BIN3: variants seen among roughly 807,000 people sequenced by gnomAD.
BIN3 encodes the protein bridging integrator 3.
BIN3 carries 41 observed loss-of-function variants against 38.2 expected under a neutral mutation model. That is an observed-to-expected ratio of 1.07 (90% confidence interval 0.84 to 1.39). The LOEUF (loss-of-function observed/expected upper bound fraction) is 1.39. BIN3 is among the 40% of genes most tolerant of loss of function. The pLI is 0.00. For missense variants in BIN3, 361 were observed against 324.3 expected (o/e 1.11, Z -0.87); for synonymous variants, 145 against 122.6 (o/e 1.18, Z -1.21).
chr8:22,657,803 G>A (rs1398387416), intron 1 of BIN3, among the ~76,000 whole-genome samples: 1 of 152,214 alleles, frequency 6.6e-6, no homozygotes, highest in East Asian at 1.9e-4. Flanking sequence ...CATCCCCGTG[G>A]GTCTCCCACT....
At chr8:22,663,284 A>C (rs1803298779) in intron 1 of BIN3, among the ~76,000 whole-genome samples, 1 of 151,720 alleles carries the variant, frequency 6.6e-6, no homozygotes, top group Admixed American at 6.6e-5. Context: ...AAAATTGTGG[A>C]AACTAGTCCA....
At position 22,636,556 on chromosome 8, in the gene BIN3, T is replaced by C. The variant is rs746606429; in HGVS notation, c.129A>G (p.Lys43=). 106 of 1,552,896 alleles carry C rather than the reference T, an allele frequency of 6.8e-5. No homozygotes were observed. In the South Asian group the frequency reaches 1.1e-3, roughly 16 times the overall value. Reference sequence around the variant, plus strand: ...CTGCGTCGGTGCTCTTCTTCATGTCTTTCTGCAGCCTCCGGGTCTGCTCTT... The same window carrying C: ...CTGCGTCGGTGCTCTTCTTCATGTCCTTCTGCAGCCTCCGGGTCTGCTCTT... The part of the protein sequence containing the change: ...QLEEQTRRLQ[K]DMKKSTDADL... The change falls in exon 4 of 9, where the codon AAA becomes AAG. Residue 43 remains lysine, a synonymous_variant. Transcript: ENST00000276416.
chr8:22,642,391 C>T (rs1802592181), intron 2 of BIN3, among the ~76,000 whole-genome samples: 1 of 152,350 alleles, frequency 6.6e-6, no homozygotes, highest in African/African-American at 2.4e-5. Context: ...ACTACTTCTA[C>T]TTCAGTGCCT....
At chr8:22,658,784 G>C (rs886929762) in intron 1 of BIN3, among the ~76,000 whole-genome samples, 1 of 152,182 alleles carries the variant, frequency 6.6e-6, no homozygotes, top group Non-Finnish European at 1.5e-5. Flanking sequence ...ACAGTTTTGG[G>C]GGCGAGGGAG....
At position 22,669,083 on chromosome 8, in the gene BIN3, T is replaced by G; in HGVS notation, c.-32A>C. 6.3e-7 allele frequency: 1 copy of G among 1,589,714 alleles called. No homozygotes were observed. The highest frequency in any genetic ancestry group is 2.3e-5 in the East Asian group (1 of 43,486). On this transcript the variant is annotated 5_prime_UTR_variant, in exon 1 of 9. Coordinates refer to ENST00000276416, the MANE Select transcript of BIN3 (RefSeq NM_018688.6). ...GAACCTGCGTCTGCCGCCGGGGTCC[T>G]CAGCCACAACTCGTTTCTCTAGGGT...
At chr8:22,623,458 C>T (rs1489730655) in intron 8 of BIN3, among the ~76,000 whole-genome samples, 1 of 152,120 alleles carries the variant, frequency 6.6e-6, no homozygotes, top group Non-Finnish European at 1.5e-5. Context: ...TTAGTGGTTC[C>T]AAGGCAGGAC....
At chr8:22,658,266 G>A (rs1214226550) in intron 1 of BIN3, among the ~76,000 whole-genome samples, 1 of 151,750 alleles carries the variant, frequency 6.6e-6, no homozygotes, top group Non-Finnish European at 1.5e-5. Flanking sequence ...CTGCCCCACC[G>A]CAAAAAAGAA....
intron 2 of BIN3, among the ~76,000 whole-genome samples, chr8:22,644,408 G>C (rs1283007529): frequency 6.6e-6 from 1 of 152,180 alleles, no homozygotes; most frequent in Non-Finnish European, 1.5e-5. Context: ...TCTTTGGTGG[G>C]GGCCACTCTT....
intron 1 of BIN3, among the ~76,000 whole-genome samples, chr8:22,662,157 C>G (rs536340248): frequency 3.9e-5 from 6 of 152,362 alleles, no homozygotes; most frequent in African/African-American, 1.2e-4. Flanking sequence ...GGCTGGGCAT[C>G]TGCACATGAC....
At chr8:22,640,198 G>A (rs1377628527) in intron 2 of BIN3, among the ~76,000 whole-genome samples, 1 of 149,770 alleles carries the variant, frequency 6.7e-6, no homozygotes, top group Non-Finnish European at 1.5e-5. Flanking sequence ...TTTTTTTTGA[G>A]ACAGAGTCTC....
chr8:22,631,380 T>A (rs910537180), intron 4 of BIN3, among the ~76,000 whole-genome samples: 3 of 152,142 alleles, frequency 2.0e-5, no homozygotes, highest in African/African-American at 4.8e-5. Context: ...ACCTGGGGAC[T>A]TGTACGGGAC....
intron 1 of BIN3, among the ~76,000 whole-genome samples, chr8:22,658,004 G>A (rs1385932714): frequency 1.3e-5 from 2 of 152,240 alleles, no homozygotes; most frequent in Non-Finnish European, 2.9e-5. Flanking sequence ...ACTTGCCTCA[G>A]TGCTCCCCTT....
chr8:22,648,097 T>TA (rs150082053), intron 1 of BIN3, among the ~76,000 whole-genome samples: 48,502 of 140,426 alleles, frequency 0.35, 8,336 homozygotes, highest in East Asian at 0.67. Flanking sequence ...ATTGCGCCAC[T>TA]ACACTCCAGC....
intron 2 of BIN3, among the ~76,000 whole-genome samples, chr8:22,638,111 G>T (rs1299298998): frequency 1.3e-5 from 2 of 152,194 alleles, no homozygotes; most frequent in Non-Finnish European, 2.9e-5. Context: ...CTGTCCCCAA[G>T]AGCCCTAGAT....
rs1466658520 is a variant in BIN3, at chr8:22,645,569, A to G, written c.9-766T>C. Among the ~76,000 whole-genome samples, 514 of 142,726 alleles carry G rather than the reference A, an allele frequency of 3.6e-3. 1 individual carries two copies. Among genetic ancestry groups the G allele is most frequent in the African/African-American group, 0.011 (435 of 38,614 alleles). 93.6% of individuals were successfully genotyped at this position (142,726 alleles called of 152,430 possible). A position where few individuals can be genotyped will look rare whatever the true frequency, so the allele number is the denominator to read the frequency against. On this transcript the variant is annotated intron_variant, in intron 1 of 8. Coordinates refer to ENST00000276416, the MANE Select transcript of BIN3 (RefSeq NM_018688.6). ...AGGAAAGGAAAGGAAAGGGGAAGAG[A>G]GGAAAGGCGAGGATGGCAGGAAAGG...
chr8:22,659,975 T>C (rs763021912), intron 1 of BIN3, among the ~76,000 whole-genome samples: 2 of 152,148 alleles, frequency 1.3e-5, no homozygotes, highest in Non-Finnish European at 2.9e-5. Flanking sequence ...TTAAGTATAC[T>C]CACCCCCCAA....
In BIN3 at chr8:22,652,347, G is replaced by A. The variant is rs374353939; in HGVS notation, c.9-7544C>T. Among the ~76,000 whole-genome samples the A allele has an allele frequency of 7.9e-5, 12 of 152,322 alleles. No individual in the cohort carries two copies. In the East Asian group the frequency reaches 2.3e-3, roughly 29 times the overall value. ...ACTGGGTAGGACAATCTGCAAACTGGCTGAACAGTTTTGTGGGGAACTCCC... is the reference window on the plus strand; with the variant it reads ...ACTGGGTAGGACAATCTGCAAACTGACTGAACAGTTTTGTGGGGAACTCCC... On this transcript the variant is annotated intron_variant, in intron 1 of 8. Transcript: ENST00000276416.
intron 6 of BIN3, among the ~76,000 whole-genome samples, chr8:22,628,556 T>C (rs898386626): frequency 6.6e-6 from 1 of 152,122 alleles, no homozygotes; most frequent in African/African-American, 2.4e-5. Flanking sequence ...TGGCAGGTGG[T>C]GGGCCACCAG....
At chr8:22,668,357 T>C (rs1803494994) in intron 1 of BIN3, among the ~76,000 whole-genome samples, 1 of 152,218 alleles carries the variant, frequency 6.6e-6, no homozygotes, top group Admixed American at 6.5e-5. Flanking sequence ...GCAACTGGAA[T>C]TGTGACTCTA....
Sources: gnomAD v4.1 joint callset for allele counts (sites outside exome capture counted in the v4.1 genomes callset) on GRCh38, gnomAD v4.1.1 for gene constraint, MANE v1.5 for transcripts, NCBI Gene and HGNC (gene_info 2026-07-23, HGNC 2026-07-21) for gene names.